Variants in SLC14A2 observed in about 807,000 individuals in gnomAD.
SLC14A2 encodes the protein urea transporter 2.
SLC14A2 carries 91 observed loss-of-function variants against 104.6 expected under a neutral mutation model. That is an observed-to-expected ratio of 0.87 (90% CI 0.73 to 1.04). The LOEUF (loss-of-function observed/expected upper bound fraction) is 1.04, where lower values mean the gene tolerates loss of function less well. Ranked by LOEUF, SLC14A2 falls within the 50% of genes least tolerant of loss-of-function variation. The pLI is 0.00. For synonymous variants in SLC14A2, 476 were observed against 466.4 expected, an observed-to-expected ratio of 1.02 and a Z score of -0.27; for missense variants, 1,189 against 1,156.0, an observed-to-expected ratio of 1.03 and a Z score of -0.41.
intron 1 of SLC14A2, among the ~76,000 whole-genome samples, chr18:45,228,639 C>T (rs2084143502): frequency 6.6e-6 from 1 of 152,154 alleles, no homozygotes; most frequent in South Asian, 2.1e-4. Flanking sequence ...GGAAAGACAT[C>T]CTTCACTAAC....
chr18:45,203,238 G>A, the SLC14A2 span, among the ~76,000 whole-genome samples: 1 of 152,146 alleles, frequency 6.6e-6, no homozygotes, highest in Non-Finnish European at 1.5e-5. Flanking sequence ...AGGAAAACAA[G>A]CCCCTGGACA....
chr18:45,566,515 G>GCACA lies in SLC14A2; in HGVS notation c.-34-58087_-34-58084dup, dbSNP rs66828313. On this transcript the variant is annotated intron_variant, in intron 2 of 20. Transcript: ENST00000586448. Reference sequence around the variant, plus strand: ...CATGCATGTACATGCGCTCACGCTCGCACACACACACACACACACACACAC... The same window carrying GCACA: ...CATGCATGTACATGCGCTCACGCTCGCACACACACACACACACACACACACACAC... 8.8e-3 allele frequency among the ~76,000 whole-genome samples: 1,322 copies of GCACA among 150,082 alleles called. 18 individuals carry two copies. The highest frequency in any genetic ancestry group is 0.03 in the African/African-American group (1,214 of 40,854).
rs1187903039 is a variant in SLC14A2 at position 45,639,880 on chromosome 18, G to A, written c.978G>A (p.Val326=). Residue 326 remains valine, a synonymous_variant, in exon 7 of 20, where the codon GTG becomes GTA. Coordinates refer to ENST00000255226, the MANE Select transcript of SLC14A2 (RefSeq NM_007163.4). The part of the protein sequence containing the change: ...ICLHAAIGSI[V]GLLAALSVAT... ...TGCATGCAGCCATTGGCTCAATCGT[G>A]GGGCTGCTAGCAGGTAGGACAGAGC... The A allele has an allele frequency of 2.5e-6, 4 of 1,613,272 alleles. No individual in the cohort carries two copies. The Admixed American group carries it at 6.7e-5, about 27-fold the overall frequency.
rs184628009 is a variant in SLC14A2 at position 45,480,932 on chromosome 18, T to A, written c.-124-2301T>A. Among the ~76,000 whole-genome samples the A allele has an allele frequency of 6.7e-3, 1,011 of 151,136 alleles. 8 individuals are homozygous for A. The highest frequency in any genetic ancestry group is 0.027 in the Middle Eastern group (8 of 292). ...CTTTTCTTCTTCCCAGTTTTTAAAA[T>A]ATATATATATATATTAAGACTCACT... is the stretch of plus-strand genomic sequence containing the variant. On this transcript the variant is annotated intron_variant, in intron 1 of 20. Coordinates refer to the SLC14A2 transcript ENST00000586448.
chr18:45,395,814 G>A (rs2086023537), intron 1 of SLC14A2, among the ~76,000 whole-genome samples: 1 of 152,026 alleles, frequency 6.6e-6, no homozygotes, highest in Non-Finnish European at 1.5e-5. Flanking sequence ...TCAACAACAG[G>A]TCATGAGGGA....
chr18:45,333,380 C>T (rs760298614), intron 1 of SLC14A2, among the ~76,000 whole-genome samples: 8 of 152,148 alleles, frequency 5.3e-5, no homozygotes, highest in Non-Finnish European at 8.8e-5. Context: ...AAAAGAGATA[C>T]TTGGGAAAGA....
At chr18:45,496,067 A>G (rs996703945) in intron 2 of SLC14A2, among the ~76,000 whole-genome samples, 2 of 152,198 alleles carry the variant, frequency 1.3e-5, no homozygotes, top group Non-Finnish European at 2.9e-5. Flanking sequence ...CAAACCAGAC[A>G]GTTGAAGTGA....
intron 1 of SLC14A2, among the ~76,000 whole-genome samples, chr18:45,298,051 T>G (rs1373296451): frequency 6.6e-6 from 1 of 152,178 alleles, no homozygotes; most frequent in Non-Finnish European, 1.5e-5. Flanking sequence ...AAAGACAAAT[T>G]TACTTCATCA....
chr18:45,245,128 C>G (rs982931775), intron 1 of SLC14A2, among the ~76,000 whole-genome samples: 3 of 152,184 alleles, frequency 2.0e-5, no homozygotes, highest in African/African-American at 7.2e-5. Context: ...TCCTGCACCT[C>G]CTTTCTGCAG....
At chr18:45,248,222 G>T (rs183383388) in intron 1 of SLC14A2, among the ~76,000 whole-genome samples, 78 of 152,238 alleles carry the variant, frequency 5.1e-4, no homozygotes, top group African/African-American at 1.8e-3. Context: ...AGGAAAAACT[G>T]TGCCTTAGAG....
intron 1 of SLC14A2, among the ~76,000 whole-genome samples, chr18:45,246,517 T>A (rs1379851533): frequency 6.6e-6 from 1 of 152,194 alleles, no homozygotes; most frequent in Non-Finnish European, 1.5e-5. Context: ...TTTCATAGGC[T>A]TACCTCATTT....
At chr18:45,675,700 T>TCTATAG (rs2046214771) in intron 18 of SLC14A2, among the ~76,000 whole-genome samples, 21 of 64,066 alleles carry the variant, frequency 3.3e-4, no homozygotes, top group African/African-American at 1.2e-3. Context: ...TATATATATA[T>TCTATAG]ATATATATAT....
At chr18:45,664,797 T>C (rs16978440) in intron 11 of SLC14A2, among the ~76,000 whole-genome samples, 208 of 152,248 alleles carry the variant, frequency 1.4e-3, no homozygotes, top group African/African-American at 4.8e-3. Context: ...GCCGAGGACA[T>C]TGCACATCTC....
chr18:45,670,039 G>T (rs2046103053), intron 16 of SLC14A2, among the ~76,000 whole-genome samples: 1 of 152,168 alleles, frequency 6.6e-6, no homozygotes, highest in Non-Finnish European at 1.5e-5. Context: ...GAGGTGGGAG[G>T]ATCGCTTGAG....
chr18:45,682,770 C>T lies in SLC14A2; in HGVS notation c.*251C>T, dbSNP rs574661186. On this transcript the variant is annotated 3_prime_UTR_variant, in exon 20 of 20. Coordinates refer to ENST00000255226, the MANE Select transcript of SLC14A2 (RefSeq NM_007163.4). Reference sequence around the variant, plus strand: ...AAGAGCTCCCTTTGTGGGGAACTTGCCCTCTTCTGCGAAATAAGCCTCATC... The same window carrying T: ...AAGAGCTCCCTTTGTGGGGAACTTGTCCTCTTCTGCGAAATAAGCCTCATC... 9.1e-6 allele frequency: 4 copies of T among 439,794 alleles called. No individual in the cohort carries two copies. The highest frequency in any genetic ancestry group is 1.7e-5 in the Non-Finnish European group (4 of 236,456). 27.2% of individuals were successfully genotyped at this position (439,794 alleles called of 1,614,324 possible).
chr18:45,653,759 T>C (rs1010749659), intron 10 of SLC14A2, among the ~76,000 whole-genome samples: 9 of 151,914 alleles, frequency 5.9e-5, no homozygotes, highest in African/African-American at 1.9e-4. Flanking sequence ...GGTCTGAAAA[T>C]TTCCATAGAA....
chr18:45,213,821 A>C (rs1187410703), intron 1 of SLC14A2, among the ~76,000 whole-genome samples: 3 of 152,146 alleles, frequency 2.0e-5, no homozygotes, highest in Non-Finnish European at 1.5e-5. Context: ...AATTTGGGGG[A>C]AAGTATCAAC....
At chr18:45,193,536 C>T in the SLC14A2 span, among the ~76,000 whole-genome samples, 2 of 152,164 alleles carry the variant, frequency 1.3e-5, no homozygotes, top group African/African-American at 4.8e-5. Context: ...GTGTAGCAAT[C>T]TATTTCTGGA....
At chr18:45,632,612 T>C (rs1333979792) in intron 5 of SLC14A2, 134 bp downstream of exon 5, 6 of 865,894 alleles carry the variant, frequency 6.9e-6, no homozygotes, top group African/African-American at 1.7e-5. Flanking sequence ...TCTGACACCA[T>C]GAAAGCCCAT....
Sources: gnomAD v4.1 joint callset for allele counts (sites outside exome capture counted in the v4.1 genomes callset) on GRCh38, gnomAD v4.1.1 for gene constraint, MANE v1.5 for transcripts, NCBI Gene and HGNC (gene_info 2026-07-23, HGNC 2026-07-21) for gene names.